Variants in PKD1L1 observed in about 807,000 individuals in gnomAD.
PKD1L1 encodes polycystin-1-like protein 1.
PKD1L1 carries 236 observed loss-of-function variants against 323.4 expected under a neutral mutation model. The ratio of observed to expected loss-of-function variants is 0.73; its 90% CI spans 0.66 to 0.81. The LOEUF is 0.81. Ranked by LOEUF, PKD1L1 falls within the 40% of genes least tolerant of loss-of-function variation. The pLI, the probability that PKD1L1 is intolerant of heterozygous loss-of-function variation, is 0.00. For synonymous variants in PKD1L1, 1,344 were observed against 1,335.0 expected (o/e 1.01, Z -0.15); for missense variants, 3,320 against 3,508.0 (o/e 0.95, Z 1.35).
At chr7:47,906,396 C>A (rs913506595) in intron 9 of PKD1L1, among the ~76,000 whole-genome samples, 1 of 152,114 alleles carries the variant, frequency 6.6e-6, no homozygotes, top group African/African-American at 2.4e-5. Flanking sequence ...TATACATGTA[C>A]ACACACCATA....
intron 26 of PKD1L1, among the ~76,000 whole-genome samples, chr7:47,862,765 G>T (rs541094859): frequency 6.6e-6 from 1 of 152,294 alleles, no homozygotes; most frequent in South Asian, 2.1e-4. Context: ...CAGTACCCCT[G>T]GAGGATGGTT....
intron 19 of PKD1L1, 23 bp downstream of exon 19, chr7:47,884,575 A>T: frequency 6.2e-7 from 1 of 1,609,290 alleles, no homozygotes; most frequent in Non-Finnish European, 8.5e-7. Context: ...GGAGAGAGGC[A>T]GCAGGCATAG....
intron 24 of PKD1L1, among the ~76,000 whole-genome samples, chr7:47,873,034 A>T (rs369121039): frequency 6.6e-6 from 1 of 152,228 alleles, no homozygotes; most frequent in East Asian, 1.9e-4. Context: ...ACTCAAAAAC[A>T]TTCACATGCT....
intron 7 of PKD1L1, among the ~76,000 whole-genome samples, chr7:47,916,526 A>T (rs1361583743): frequency 6.6e-6 from 1 of 152,242 alleles, no homozygotes. Flanking sequence ...GGAATAAATC[A>T]GGAAAGCTGA....
intron 1 of PKD1L1, among the ~76,000 whole-genome samples, chr7:47,943,754 C>A (rs1420918779): frequency 6.6e-6 from 1 of 152,196 alleles, no homozygotes; most frequent in South Asian, 2.1e-4. Context: ...ACTAAAACAG[C>A]CTCCGAACAG....
chr7:47,866,714 C>G, intron 24 of PKD1L1, 100 bp from the exon 25 acceptor site: 1 of 961,314 alleles, frequency 1.0e-6, no homozygotes, highest in Admixed American at 2.3e-5. Context: ...AAAAATACCT[C>G]TTGGACAGGG....
intron 26 of PKD1L1, among the ~76,000 whole-genome samples, chr7:47,861,897 A>AAC (rs1786037192): frequency 1.4e-5 from 2 of 144,598 alleles, no homozygotes; most frequent in Non-Finnish European, 3.0e-5. Context: ...AAAAAAAAAA[A>AAC]AAAAAAAAAC....
At chr7:47,850,228 G>C (rs1318243289) in intron 31 of PKD1L1, among the ~76,000 whole-genome samples, 1 of 152,142 alleles carries the variant, frequency 6.6e-6, no homozygotes, top group Non-Finnish European at 1.5e-5. Context: ...TGATAACAAG[G>C]TATAAGAATA....
At chr7:47,865,137 G>A in intron 26 of PKD1L1, 79 bp downstream of exon 26, 1 of 989,530 alleles carries the variant, frequency 1.0e-6, no homozygotes, top group Admixed American at 2.1e-5. Flanking sequence ...ATTCTGGACA[G>A]TGTATTTTTC....
chr7:47,886,971 T>C (rs1343677745), intron 17 of PKD1L1, among the ~76,000 whole-genome samples: 1 of 152,164 alleles, frequency 6.6e-6, no homozygotes, highest in East Asian at 1.9e-4. Flanking sequence ...AGCTTTTACT[T>C]GCAACCATGG....
intron 55 of PKD1L1, chr7:47,795,287 T>G: frequency 4.4e-6 from 2 of 451,522 alleles, no homozygotes; most frequent in Non-Finnish European, 8.9e-6. Flanking sequence ...GTCTTTCTCA[T>G]GCTATTCTTG....
the PKD1L1 span, among the ~76,000 whole-genome samples, chr7:47,953,541 C>A: frequency 6.6e-6 from 1 of 152,342 alleles, no homozygotes; most frequent in South Asian, 2.1e-4. Context: ...TGAGTTGGAG[C>A]ACCACTGTTT....
chr7:47,842,223 G>A (rs369125144), intron 34 of PKD1L1, among the ~76,000 whole-genome samples: 1 of 152,148 alleles, frequency 6.6e-6, no homozygotes, highest in Non-Finnish European at 1.5e-5. Context: ...GTTGGTAGAC[G>A]AAGGGCTTAT....
chr7:47,818,215 C>T, intron 46 of PKD1L1: 1 of 1,349,176 alleles, frequency 7.4e-7, no homozygotes, highest in Non-Finnish European at 9.9e-7. Flanking sequence ...TACATCTCTG[C>T]AAATATTCAC....
rs768768336 is a variant in PKD1L1 at position 47,830,100 on chromosome 7, C to T, written c.6498G>A (p.Gln2166=). 3 of 1,614,180 alleles carry T rather than the reference C, an allele frequency of 1.9e-6. No individual in the cohort carries two copies. Among genetic ancestry groups the T allele is most frequent in the Non-Finnish European group, 2.5e-6 (3 of 1,180,046 alleles). The change falls in exon 43 of 57, where the codon CAG becomes CAA. Residue 2166 remains glutamine, a synonymous_variant. Transcript: ENST00000289672. ...AYRFGQEQCV[Q]WLHLLSLSVV... ...CGGAGAGGGACAGCAGGTGCAGCCA[C>T]TGCACACATTGCTCCTGGCCAAACC...
intron 8 of PKD1L1, among the ~76,000 whole-genome samples, chr7:47,909,321 C>T (rs547900005): frequency 6.6e-6 from 1 of 152,278 alleles, no homozygotes; most frequent in South Asian, 2.1e-4. Context: ...CATCACTCAT[C>T]CTTGACTCCA....
chr7:47,907,830 T>C (rs1226582527), intron 9 of PKD1L1, among the ~76,000 whole-genome samples: 12 of 152,214 alleles, frequency 7.9e-5, no homozygotes, highest in Admixed American at 3.9e-4. Context: ...CTTGCTCCTA[T>C]GCATATCTTA....
the PKD1L1 span, among the ~76,000 whole-genome samples, chr7:47,956,043 C>A: frequency 6.6e-6 from 1 of 152,180 alleles, no homozygotes. Context: ...TTACTGGCTT[C>A]TCTCCCTACC....
At position 47,902,485 on chromosome 7, in the gene PKD1L1, A is replaced by T. The variant is rs113793570; in HGVS notation, c.1958T>A (p.Leu653His). The T allele has an allele frequency of 1.2e-6, 2 of 1,614,194 alleles. No individual in the cohort carries two copies. Among genetic ancestry groups the T allele is most frequent in the Admixed American group, 1.7e-5 (1 of 60,026 alleles). The change falls in exon 13 of 57, where the codon CTT (leucine) becomes CAT (histidine). Residue 653 changes from leucine to histidine, a missense_variant. Physicochemically the swap from Leu to His is moderately conservative, Grantham distance 99 (BLOSUM62 -3). Transcript: ENST00000289672. ...GGAGGCACTGACATTATTGAAGGCA[A>T]GGACCTCCACTGTAAATTCTCCTTC... The part of the protein sequence containing the change: ...SREGEFTVEV[L>H]AFNNVSASTL...
Sources: allele counts gnomAD v4.1 joint callset (sites outside exome capture counted in the v4.1 genomes callset), GRCh38; gene constraint gnomAD v4.1.1; transcripts MANE v1.5; gene names NCBI Gene and HGNC (gene_info 2026-07-23, HGNC 2026-07-21).